Variants in GATAD2B observed in about 807,000 individuals in gnomAD.
The protein encoded by GATAD2B is GATA zinc finger domain containing 2B, also known as transcriptional repressor p66-beta.
A neutral mutation model predicts 64.3 loss-of-function variants in GATAD2B; 8 were observed. The ratio of observed to expected loss-of-function variants is 0.12; its 90% confidence interval spans 0.07 to 0.22. The LOEUF is 0.22. GATAD2B is among the 10% of genes least tolerant of loss of function. The probability of loss-of-function intolerance (pLI) is 1.00; values close to 1 mark genes in which losing one functional copy is unlikely to be tolerated. For synonymous variants in GATAD2B, 281 were observed against 271.3 expected, an observed-to-expected ratio of 1.04 and a Z score of -0.35; for missense variants, 453 against 752.0, an observed-to-expected ratio of 0.60 and a Z score of 4.65.
At chr1:153,819,321 A>G (rs1674592190) in intron 3 of GATAD2B, among the ~76,000 whole-genome samples, 1 of 152,244 alleles carries the variant, frequency 6.6e-6, no homozygotes, top group Admixed American at 6.5e-5. Context: ...CTTACAGCCA[A>G]GAGTTTACTT....
At chr1:153,812,176 C>T in intron 8 of GATAD2B, 44 bp from the exon 9 acceptor site, 1 of 974,660 alleles carries the variant, frequency 1.0e-6, no homozygotes, top group Non-Finnish European at 1.6e-6. Flanking sequence ...GGACAGCACC[C>T]AATACCCAAT....
Position 153,810,213 on chromosome 1 carries a change from G to A in GATAD2B, c.1746C>T (p.Pro582=). 1.9e-6 allele frequency: 3 copies of A among 1,613,238 alleles called. No homozygotes were observed. Among genetic ancestry groups the A allele is most frequent in the Non-Finnish European group, 2.5e-6 (3 of 1,179,606 alleles). The change falls in exon 11 of 11, where the codon CCC becomes CCT. Residue 582 remains proline (P), a synonymous_variant. Coordinates refer to ENST00000368655, the MANE Select transcript of GATAD2B (RefSeq NM_020699.4). ...CACTGATGGACTGCGATATAGACCG[G>A]GGAGGGATCATGTCTAAAAGGTATT... The part of the protein sequence containing the change: ...QREYLLDMIP[P]RSISQSISGQ...
At chr1:153,857,267 G>A (rs1159817285) in intron 1 of GATAD2B, among the ~76,000 whole-genome samples, 1 of 151,966 alleles carries the variant, frequency 6.6e-6, no homozygotes, top group Non-Finnish European at 1.5e-5. Context: ...CCAACATAGT[G>A]AAACCCTGTC....
At position 153,817,387 on chromosome 1, in the gene GATAD2B, G is replaced by A. The variant is rs1414330766; in HGVS notation, c.885C>T (p.Ala295=). The change falls in exon 6 of 11, where the codon GCC becomes GCT. Residue 295 remains alanine (A), a synonymous_variant. Coordinates refer to ENST00000368655, the MANE Select transcript of GATAD2B (RefSeq NM_020699.4). Reference sequence around the variant, plus strand: ...TCTCTCTTACCGGTTGATAATTGATGGCGGGATTCATGTTGGGTGTTGTGG... The same window carrying A: ...TCTCTCTTACCGGTTGATAATTGATAGCGGGATTCATGTTGGGTGTTGTGG... ...VRTTTPNMNP[A]INYQPQSSSS... 6.4e-7 allele frequency: 1 copy of A among 1,573,914 alleles called. No homozygotes were observed. Among genetic ancestry groups the A allele is most frequent in the Non-Finnish European group, 8.6e-7 (1 of 1,163,122 alleles).
chr1:153,884,747 T>A (rs910343229), intron 1 of GATAD2B, among the ~76,000 whole-genome samples: 4 of 152,118 alleles, frequency 2.6e-5, no homozygotes, highest in Non-Finnish European at 5.9e-5. Flanking sequence ...GGATCTTTTC[T>A]CCATTTTCTT....
chr1:153,867,546 G>C (rs1449859205), intron 1 of GATAD2B, among the ~76,000 whole-genome samples: 2 of 151,890 alleles, frequency 1.3e-5, no homozygotes, highest in African/African-American at 2.4e-5. Flanking sequence ...ACCCCAAAGA[G>C]AGCAGTAACT....
At chr1:153,852,288 T>C in intron 1 of GATAD2B, 1 of 1,146,636 alleles carries the variant, frequency 8.7e-7, no homozygotes, top group Non-Finnish European at 1.3e-6. Flanking sequence ...CAGCTGCCCC[T>C]TGCTAGAAGT....
At chr1:153,828,496 T>C (rs1674964751) in intron 1 of GATAD2B, 148 bp from the exon 2 acceptor site, 1 of 595,844 alleles carries the variant, frequency 1.7e-6, no homozygotes, top group Non-Finnish European at 2.9e-6. Context: ...ACACACAAAG[T>C]TCAAAGTTAA....
intron 1 of GATAD2B, among the ~76,000 whole-genome samples, chr1:153,861,825 T>C (rs1570968532): frequency 1.4e-5 from 2 of 139,498 alleles, no homozygotes; most frequent in African/African-American, 5.2e-5. Flanking sequence ...TATGTATATA[T>C]ATGTATATGT....
chr1:153,828,812 G>A (rs1161832728), intron 1 of GATAD2B, among the ~76,000 whole-genome samples: 2 of 152,150 alleles, frequency 1.3e-5, no homozygotes, highest in African/African-American at 4.8e-5. Context: ...AGCCTGATAA[G>A]AAGCACTATT....
intron 1 of GATAD2B, among the ~76,000 whole-genome samples, chr1:153,854,458 C>G (rs1455519875): frequency 6.6e-6 from 1 of 152,090 alleles, no homozygotes; most frequent in African/African-American, 2.4e-5. Context: ...TGAGACTAGG[C>G]AAAGCACCCA....
Position 153,810,013 on chromosome 1 carries a change from C to A in GATAD2B, c.*164G>T. 1 of 630,798 alleles carries A rather than the reference C, an allele frequency of 1.6e-6. No homozygotes were observed. 39.1% of individuals were successfully genotyped at this position (630,798 alleles called of 1,614,324 possible). On this transcript the variant is annotated 3_prime_UTR_variant, in exon 11 of 11. Transcript: ENST00000368655. ...ATAAAGGGGAGGTGGCAGGGCAGGGCGTGTGTTTTCTTGCTGATCTCTATT... is the reference window on the plus strand; with the variant it reads ...ATAAAGGGGAGGTGGCAGGGCAGGGAGTGTGTTTTCTTGCTGATCTCTATT...
chr1:153,826,366 T>G (rs1007662919), intron 2 of GATAD2B, among the ~76,000 whole-genome samples: 1 of 151,820 alleles, frequency 6.6e-6, no homozygotes, highest in African/African-American at 2.4e-5. Context: ...TGATGGCTCA[T>G]GCCTATAATC....
chr1:153,833,051 T>C (rs1675133069), intron 1 of GATAD2B, among the ~76,000 whole-genome samples: 1 of 152,146 alleles, frequency 6.6e-6, no homozygotes, highest in South Asian at 2.1e-4. Flanking sequence ...TTAAGAATTA[T>C]GTTAAATAAA....
At chr1:153,877,212 G>A (rs1557817869) in intron 1 of GATAD2B, among the ~76,000 whole-genome samples, 1 of 152,238 alleles carries the variant, frequency 6.6e-6, no homozygotes, top group East Asian at 1.9e-4. Context: ...ATGGTGACAT[G>A]CCTATAGTCA....
intron 1 of GATAD2B, among the ~76,000 whole-genome samples, chr1:153,855,076 A>G (rs7554469): frequency 0.41 from 62,439 of 152,060 alleles, 13,960 homozygotes; most frequent in Non-Finnish European, 0.52. Flanking sequence ...AAAAGATACT[A>G]TGGGGAACTG....
In GATAD2B at chr1:153,809,335, A is replaced by G. The variant is rs1034635538; in HGVS notation, c.*842T>C. On this transcript the variant is annotated 3_prime_UTR_variant, in exon 11 of 11. Transcript: ENST00000368655. ...GTCAGGAGATCGGTCTTATTTCCCC[A>G]AGATACAGAAAGGCAGGACCTAGTT... is the stretch of plus-strand genomic sequence containing the variant. 3 of 152,174 alleles carry G rather than the reference A, an allele frequency of 2.0e-5. No homozygotes were observed. Among genetic ancestry groups the G allele is most frequent in the Non-Finnish European group, 4.4e-5 (3 of 68,032 alleles). The allele number at this position is 152,174 out of a possible 1,614,324, so 9.4% of individuals were successfully genotyped here.
chr1:153,891,598 A>G (rs1307510722), intron 1 of GATAD2B, among the ~76,000 whole-genome samples: 1 of 116,512 alleles, frequency 8.6e-6, no homozygotes, highest in Non-Finnish European at 1.7e-5. Flanking sequence ...AAAAAAAAAA[A>G]GAGGTGGGGG....
intron 1 of GATAD2B, among the ~76,000 whole-genome samples, chr1:153,865,416 G>C (rs989487766): frequency 6.6e-6 from 1 of 150,882 alleles, no homozygotes; most frequent in East Asian, 2.0e-4. Flanking sequence ...AGCTGAGATC[G>C]TGCCACTGCA....
Sources: gnomAD v4.1 joint callset for allele counts (sites outside exome capture counted in the v4.1 genomes callset) on GRCh38, gnomAD v4.1.1 for gene constraint, MANE v1.5 for transcripts, NCBI Gene and HGNC (gene_info 2026-07-23, HGNC 2026-07-21) for gene names.